Variants in HS6ST3 observed in about 807,000 individuals in gnomAD.
HS6ST3 encodes heparan-sulfate 6-O-sulfotransferase 3.
Under a neutral mutation model 36.7 loss-of-function variants are expected in HS6ST3, and 12 were observed. The observed-to-expected ratio is 0.33, with a 90% CI of 0.21 to 0.53. The LOEUF (loss-of-function observed/expected upper bound fraction) is 0.53, where lower values mean the gene tolerates loss of function less well. Ranked by LOEUF, HS6ST3 falls within the 20% of genes least tolerant of loss-of-function variation. HS6ST3 has a pLI of 0.95. For synonymous variants in HS6ST3, 240 were observed against 257.5 expected, an observed-to-expected ratio of 0.93 and a Z score of 0.65; for missense variants, 584 against 640.9, an observed-to-expected ratio of 0.91 and a Z score of 0.96.
rs1399686261 is a variant in HS6ST3 at position 96,740,091 on chromosome 13, TTC to T, written c.708-92396_708-92395del. ...CTACCTACAGTCTCTGTTTGATTTT[TTC>T]TCCATAGTAACAATCATCTCCTAAT... On this transcript the variant is annotated intron_variant, in intron 1 of 1. Transcript: ENST00000376705. 2.0e-5 allele frequency among the ~76,000 whole-genome samples: 3 copies of T among 152,192 alleles called. No homozygotes were observed. In the East Asian group the frequency reaches 5.8e-4, roughly 29 times the overall value.
chr13:96,114,464 T>G (rs1163633306), intron 1 of HS6ST3, among the ~76,000 whole-genome samples: 2 of 152,200 alleles, frequency 1.3e-5, no homozygotes, highest in East Asian at 3.8e-4. Flanking sequence ...CTTTTCTTTA[T>G]TACTATTAAA....
At chr13:96,564,586 G>T (rs568289032) in intron 1 of HS6ST3, among the ~76,000 whole-genome samples, 33 of 152,236 alleles carry the variant, frequency 2.2e-4, no homozygotes, top group African/African-American at 7.9e-4. Context: ...AGAAGCACAA[G>T]GTCATGTAAG....
chr13:96,578,726 AT>A (rs1201505093), intron 1 of HS6ST3, among the ~76,000 whole-genome samples: 1 of 151,848 alleles, frequency 6.6e-6, no homozygotes, highest in African/African-American at 2.4e-5. Flanking sequence ...TGCCTGGCTA[AT>A]TTTTTTGTTT....
intron 1 of HS6ST3, among the ~76,000 whole-genome samples, chr13:96,625,618 C>T (rs2056509440): frequency 6.6e-6 from 1 of 152,006 alleles, no homozygotes; most frequent in African/African-American, 2.4e-5. Context: ...TTCCTAAATA[C>T]TAATAAAATT....
At chr13:96,460,799 C>T (rs1487615051) in intron 1 of HS6ST3, among the ~76,000 whole-genome samples, 1 of 152,164 alleles carries the variant, frequency 6.6e-6, no homozygotes, top group Non-Finnish European at 1.5e-5. Flanking sequence ...AGTGTGCCCA[C>T]TCAGCACAGA....
intron 1 of HS6ST3, among the ~76,000 whole-genome samples, chr13:96,796,688 C>T (rs1269542461): frequency 1.3e-5 from 2 of 152,018 alleles, no homozygotes; most frequent in African/African-American, 4.8e-5. Flanking sequence ...TAGCAGCTTG[C>T]AGGTTTATTG....
chr13:96,638,384 G>C (rs952351226), intron 1 of HS6ST3, among the ~76,000 whole-genome samples: 2 of 151,924 alleles, frequency 1.3e-5, no homozygotes, highest in Non-Finnish European at 2.9e-5. Context: ...TTATTAATTG[G>C]TTAATCTTAG....
At chr13:96,600,674 A>G (rs181158417) in intron 1 of HS6ST3, among the ~76,000 whole-genome samples, 1 of 152,164 alleles carries the variant, frequency 6.6e-6, no homozygotes, top group Non-Finnish European at 1.5e-5. Context: ...TTCAATGTTA[A>G]TATTGTATAT....
At chr13:96,708,457 C>T (rs939541062) in intron 1 of HS6ST3, among the ~76,000 whole-genome samples, 22 of 152,140 alleles carry the variant, frequency 1.4e-4, no homozygotes, top group Admixed American at 9.8e-4. Context: ...AGAGGGAGGT[C>T]GGAAAAATAT....
chr13:96,765,060 CTTTTTTTT>C lies in HS6ST3; in HGVS notation c.708-67413_708-67406del, dbSNP rs11423735. Among the ~76,000 whole-genome samples, 18 of 93,904 alleles carry C rather than the reference CTTTTTTTT, an allele frequency of 1.9e-4. No homozygotes were observed. In the East Asian group the frequency reaches 3.3e-3, roughly 17 times the overall value. The allele number at this position is 93,904 out of a possible 152,430, so 61.6% of individuals were successfully genotyped here. A position where few individuals can be genotyped will look rare whatever the true frequency, so the allele number is the denominator to read the frequency against. On this transcript the variant is annotated intron_variant, in intron 1 of 1. Coordinates refer to ENST00000376705, the MANE Select transcript of HS6ST3 (RefSeq NM_153456.4). ...GCCATATTTCTTTCTTTGTTTCTTT[CTTTTTTTT>C]TTTTTTTTTTTTTTTTGAGACGGAG...
chr13:96,829,182 T>C (rs1186943511), intron 1 of HS6ST3, among the ~76,000 whole-genome samples: 1 of 152,168 alleles, frequency 6.6e-6, no homozygotes, highest in African/African-American at 2.4e-5. Context: ...ATTTTCAGAG[T>C]GTGGTGGCAA....
chr13:96,722,999 G>A (rs1875890625), intron 1 of HS6ST3, among the ~76,000 whole-genome samples: 1 of 151,412 alleles, frequency 6.6e-6, no homozygotes, highest in South Asian at 2.1e-4. Flanking sequence ...GTGTGTGTGT[G>A]TGTGTGTGTG....
At chr13:96,685,739 A>G (rs376550646) in intron 1 of HS6ST3, among the ~76,000 whole-genome samples, 1 of 152,162 alleles carries the variant, frequency 6.6e-6, no homozygotes, top group African/African-American at 2.4e-5. Flanking sequence ...ACAGACACAC[A>G]ATGGGAGAGG....
At chr13:96,484,242 T>C (rs2055903126) in intron 1 of HS6ST3, among the ~76,000 whole-genome samples, 1 of 152,160 alleles carries the variant, frequency 6.6e-6, no homozygotes, top group Non-Finnish European at 1.5e-5. Flanking sequence ...AAATGATCAT[T>C]GCAATCAAGC....
intron 1 of HS6ST3, among the ~76,000 whole-genome samples, chr13:96,357,718 C>T (rs1034475790): frequency 1.3e-5 from 2 of 152,174 alleles, no homozygotes; most frequent in Admixed American, 6.5e-5. Context: ...TACAGGTTCT[C>T]GGTATGTTAA....
intron 1 of HS6ST3, among the ~76,000 whole-genome samples, chr13:96,703,616 T>G (rs1272955678): frequency 9.9e-5 from 15 of 152,160 alleles, no homozygotes; most frequent in Admixed American, 9.8e-4. Context: ...TATGTTCTAT[T>G]TGCTGGATTT....
intron 1 of HS6ST3, among the ~76,000 whole-genome samples, chr13:96,405,157 A>G (rs7995680): frequency 0.89 from 136,108 of 152,226 alleles, 61,127 homozygotes; most frequent in South Asian, 0.94. Flanking sequence ...CATGAAAACG[A>G]ACTAATACAG....
At chr13:96,816,269 G>A (rs1369087466) in intron 1 of HS6ST3, among the ~76,000 whole-genome samples, 1 of 152,208 alleles carries the variant, frequency 6.6e-6, no homozygotes, top group Admixed American at 6.5e-5. Context: ...ATTCTAAAGA[G>A]AAATGACTGA....
intron 1 of HS6ST3, among the ~76,000 whole-genome samples, chr13:96,675,898 G>A (rs561621025): frequency 6.6e-6 from 1 of 152,236 alleles, no homozygotes; most frequent in South Asian, 2.1e-4. Context: ...TAGGATTCCT[G>A]GAGTGAGCCA....
Sources: gnomAD v4.1 joint callset for allele counts (sites outside exome capture counted in the v4.1 genomes callset) on GRCh38, gnomAD v4.1.1 for gene constraint, MANE v1.5 for transcripts, NCBI Gene and HGNC (gene_info 2026-07-23, HGNC 2026-07-21) for gene names.